The following AFAP1L2 variants were observed in gnomAD, a reference collection of about 807,000 sequenced individuals.
AFAP1L2 encodes actin filament associated protein 1 like 2.
A neutral mutation model predicts 99.3 loss-of-function variants in AFAP1L2; 46 were observed. That is an observed-to-expected ratio of 0.46 (90% confidence interval 0.37 to 0.59). AFAP1L2 has a LOEUF of 0.59. Ranked by LOEUF, AFAP1L2 falls within the 20% of genes least tolerant of loss-of-function variation. The probability of loss-of-function intolerance (pLI) is 0.00; values close to 1 mark genes in which losing one functional copy is unlikely to be tolerated. For synonymous variants in AFAP1L2, 397 were observed against 419.1 expected (o/e 0.95, Z 0.64); for missense variants, 959 against 1,034.9 (o/e 0.93, Z 1.01).
rs62641716 is a variant in AFAP1L2 at position 114,300,643 on chromosome 10, C to T, written c.1590G>A (p.Glu530=). The T allele has an allele frequency of 5.3e-4, 862 of 1,611,894 alleles. 7 individuals carry two copies. In the African/African-American group the frequency reaches 9.7e-3, roughly 18 times the overall value. The change falls in exon 14 of 19, where the codon GAG becomes GAA. Residue 530 remains glutamate (E), a synonymous_variant. Coordinates refer to ENST00000304129, the MANE Select transcript of AFAP1L2 (RefSeq NM_001001936.3). ...EATPVADDPN[E]RESDRVYLDL... ...CCAGGTACACTCGGTCAGATTCTCT[C>T]TCATTTGGGTCATCTGCAACAGGGG...
chr10:114,322,222 C>T (rs1288792030), intron 5 of AFAP1L2, among the ~76,000 whole-genome samples: 2 of 152,172 alleles, frequency 1.3e-5, no homozygotes, highest in Non-Finnish European at 2.9e-5. Flanking sequence ...TACCTAGTCT[C>T]GGGCGTGTCT....
intron 16 of AFAP1L2, among the ~76,000 whole-genome samples, chr10:114,297,991 GA>G (rs1318654125): frequency 2.6e-4 from 40 of 152,222 alleles, no homozygotes; most frequent in Non-Finnish European, 4.4e-4. Context: ...CACTGTTTAA[GA>G]AAAATTCACA....
intron 5 of AFAP1L2, among the ~76,000 whole-genome samples, chr10:114,319,943 T>G (rs951381765): frequency 6.6e-6 from 1 of 152,162 alleles, no homozygotes; most frequent in Non-Finnish European, 1.5e-5. Context: ...CTGGTGCTGT[T>G]AAGAAGCAGA....
chr10:114,403,442 T>G (rs2058411224), intron 1 of AFAP1L2, among the ~76,000 whole-genome samples: 1 of 152,156 alleles, frequency 6.6e-6, no homozygotes, highest in Non-Finnish European at 1.5e-5. Context: ...CTCTTTTTAT[T>G]ACTCTCTCCC....
the AFAP1L2 span, among the ~76,000 whole-genome samples, chr10:114,282,071 G>A: frequency 6.9e-6 from 1 of 145,914 alleles, no homozygotes; most frequent in Non-Finnish European, 1.5e-5. Context: ...GTGCAGTTGT[G>A]CAATCTCGGC....
At chr10:114,323,565 A>G (rs1239839105) in intron 4 of AFAP1L2, among the ~76,000 whole-genome samples, 3 of 152,214 alleles carry the variant, frequency 2.0e-5, no homozygotes, top group African/African-American at 4.8e-5. Context: ...TGTACATGAT[A>G]TATCATGCAC....
chr10:114,350,634 G>A (rs1281492717), intron 1 of AFAP1L2, among the ~76,000 whole-genome samples: 2 of 152,148 alleles, frequency 1.3e-5, no homozygotes, highest in African/African-American at 2.4e-5. Context: ...TCTCTAAAAC[G>A]AGCCACCAGA....
At chr10:114,300,751 G>A in intron 13 of AFAP1L2, 61 bp from the exon 14 acceptor site, 1 of 1,529,386 alleles carries the variant, frequency 6.5e-7, no homozygotes, top group South Asian at 1.3e-5. Context: ...GCTGTGGAGG[G>A]GGTACCAGCC....
rs927403626 is a variant in AFAP1L2 at position 114,295,158 on chromosome 10, TAAAATC to T, written c.*878_*883del. On this transcript the variant is annotated 3_prime_UTR_variant, in exon 19 of 19. Coordinates refer to ENST00000304129, the MANE Select transcript of AFAP1L2 (RefSeq NM_001001936.3). ...AGGAGAATGAACATTAAACAGAACT[TAAAATC>T]AGAGACTATTTATATTAAATAACTC... 6 of 985,604 alleles carry T rather than the reference TAAAATC, an allele frequency of 6.1e-6. No individual in the cohort carries two copies. The African/African-American group carries it at 1.0e-4, about 17-fold the overall frequency. The allele number at this position is 985,604 out of a possible 1,614,324, so 61.1% of individuals were successfully genotyped here. A position where few individuals can be genotyped will look rare whatever the true frequency, so the allele number is the denominator to read the frequency against.
intron 1 of AFAP1L2, chr10:114,363,272 G>A (rs886817016): frequency 3.1e-5 from 22 of 715,434 alleles, no homozygotes; most frequent in Admixed American, 1.9e-4. Context: ...CTTCTTTACC[G>A]TAACATGTAG....
Position 114,307,795 on chromosome 10 carries a change from CA to C in AFAP1L2, c.1072+9del, listed in dbSNP as rs777641978. 2.5e-6 allele frequency: 4 copies of C among 1,611,498 alleles called. No homozygotes were observed. In the Admixed American group the frequency reaches 6.7e-5, roughly 27 times the overall value. Reference sequence around the variant, plus strand: ...GAGCCTGTGGTCCCGGAGGTAGCTACAATTCTTACTGGATGTCTCGAGGGAC... The same window carrying C: ...GAGCCTGTGGTCCCGGAGGTAGCTACATTCTTACTGGATGTCTCGAGGGAC... On this transcript the variant is annotated intron_variant, in intron 10 of 18. Coordinates refer to ENST00000304129, the MANE Select transcript of AFAP1L2 (RefSeq NM_001001936.3).
intron 1 of AFAP1L2, among the ~76,000 whole-genome samples, chr10:114,400,110 C>A (rs76072325): frequency 2.6e-5 from 4 of 152,360 alleles, no homozygotes; most frequent in Non-Finnish European, 4.4e-5. Context: ...GCCATCCTCC[C>A]TTGGCTTGAG....
chr10:114,385,886 G>T (rs1268887879), intron 1 of AFAP1L2, among the ~76,000 whole-genome samples: 1 of 152,124 alleles, frequency 6.6e-6, no homozygotes, highest in Non-Finnish European at 1.5e-5. Context: ...GAGGCTGCAG[G>T]TACCTGGTGG....
At chr10:114,286,472 C>T in the AFAP1L2 span, 1 of 1,597,034 alleles carries the variant, frequency 6.3e-7, no homozygotes, top group Non-Finnish European at 8.6e-7. Context: ...CAACCAAATC[C>T]CTGAGCTGCA....
chr10:114,404,841 G>T, upstream of AFAP1L2: 1 of 207,018 alleles, frequency 4.8e-6, no homozygotes, highest in Non-Finnish European at 9.6e-6. Context: ...CGGGAGGCCG[G>T]GCTTGGGTGG....
chr10:114,308,921 G>A (rs1017915026), intron 8 of AFAP1L2, among the ~76,000 whole-genome samples: 3 of 152,180 alleles, frequency 2.0e-5, no homozygotes, highest in Non-Finnish European at 4.4e-5. Context: ...AGTCCTGGCC[G>A]GAGCATTCTG....
rs962229789 is a variant in AFAP1L2, at chr10:114,315,518, A to G, written c.612+42T>C. 3 of 1,423,124 alleles carry G rather than the reference A, an allele frequency of 2.1e-6. No individual in the cohort carries two copies. In the African/African-American group the frequency reaches 4.4e-5, roughly 21 times the overall value. 88.2% of individuals were successfully genotyped at this position (1,423,124 alleles called of 1,614,324 possible). A position where few individuals can be genotyped will look rare whatever the true frequency, so the allele number is the denominator to read the frequency against. On this transcript the variant is annotated intron_variant, in intron 6 of 18. Coordinates refer to ENST00000304129, the MANE Select transcript of AFAP1L2 (RefSeq NM_001001936.3). ...CTTCCCTGTCCCTGCCCCTTCCCCA[A>G]GGAGAGGAGTCGGGGGACAAGACGA...
chr10:114,382,801 GT>G (rs1483648965), intron 1 of AFAP1L2, among the ~76,000 whole-genome samples: 1 of 151,924 alleles, frequency 6.6e-6, no homozygotes, highest in African/African-American at 2.4e-5. Context: ...CTCCATGTTG[GT>G]TAGGCTGGTC....
At chr10:114,327,175 T>A (rs377054483) in intron 4 of AFAP1L2, among the ~76,000 whole-genome samples, 1,381 of 54,794 alleles carry the variant, frequency 0.025, 275 homozygotes, top group East Asian at 0.12. Context: ...ATATATATAT[T>A]TTTTTTTTAG....
Sources: allele counts gnomAD v4.1 joint callset (sites outside exome capture counted in the v4.1 genomes callset), GRCh38; gene constraint gnomAD v4.1.1; transcripts MANE v1.5; gene names NCBI Gene and HGNC (gene_info 2026-07-23, HGNC 2026-07-21).